PITPNM2: variants seen among roughly 807,000 people sequenced by gnomAD.
PITPNM2 encodes phosphatidylinositol transfer protein membrane associated 2, also known as membrane-associated phosphatidylinositol transfer protein 2.
In PITPNM2, 35 loss-of-function variants were observed where a neutral mutation model predicts 132.2. The ratio of observed to expected loss-of-function variants is 0.26; its 90% CI spans 0.20 to 0.35. The LOEUF (loss-of-function observed/expected upper bound fraction) is 0.35. Ranked by LOEUF, PITPNM2 falls within the 10% of genes least tolerant of loss-of-function variation. PITPNM2 has a pLI of 1.00. For missense variants in PITPNM2, 1,332 were observed against 1,912.0 expected, an observed-to-expected ratio of 0.70 and a Z score of 5.66; for synonymous variants, 738 against 799.2, an observed-to-expected ratio of 0.92 and a Z score of 1.29.
chr12:123,015,902 C>T (rs751509600), intron 3 of PITPNM2, among the ~76,000 whole-genome samples: 1 of 152,172 alleles, frequency 6.6e-6, no homozygotes, highest in Non-Finnish European at 1.5e-5. Flanking sequence ...CTAAACTCAA[C>T]AACAAAACAA....
rs148767753 is a variant in PITPNM2, at chr12:122,987,397, G to C, written c.3297C>G (p.Thr1099=). 14 of 1,613,714 alleles carry C rather than the reference G, an allele frequency of 8.7e-6. No individual in the cohort carries two copies. In the African/African-American group the frequency reaches 1.3e-4, roughly 15 times the overall value. ...GDHTFADSYI[T]VLPKGTEFVV... ...CGAACTCTGTGCCCTTGGGCAGCAC[G>C]GTGATGTAGCTGTCGGCAAACGTGT... The change falls in exon 23 of 26, where the codon ACC becomes ACG. Residue 1099 remains threonine, a synonymous_variant. Coordinates refer to ENST00000320201, the MANE Select transcript of PITPNM2 (RefSeq NM_020845.3).
At chr12:123,136,953 A>T (rs2043395453) in intron 1 of PITPNM2, among the ~76,000 whole-genome samples, 5 of 152,230 alleles carry the variant, frequency 3.3e-5, no homozygotes, top group Admixed American at 3.3e-4. Flanking sequence ...TGTACAGAAC[A>T]GCGTCATAGG....
rs372326658 is a variant in PITPNM2 at position 122,992,482 on chromosome 12, C to A, written c.2404+17G>T. ...CCCACCTTCCCCCAGAGGAGTGGGG[C>A]GGAATGTGCCTCTCACCCAGCAGCG... On this transcript the variant is annotated intron_variant, in intron 16 of 25. Transcript: ENST00000320201. This position sits in a 1 kb window ranked among gnomAD's most constrained non-coding sequence, Gnocchi z 6.5. The A allele has an allele frequency of 1.2e-6, 2 of 1,603,320 alleles. No individual in the cohort carries two copies. Among genetic ancestry groups the A allele is most frequent in the Non-Finnish European group, 1.7e-6 (2 of 1,175,736 alleles).
chr12:123,026,433 G>A (rs2039865811), intron 3 of PITPNM2, among the ~76,000 whole-genome samples: 2 of 152,246 alleles, frequency 1.3e-5, no homozygotes, highest in South Asian at 2.1e-4. Context: ...CTCCAGAACT[G>A]TGAAAGAATA....
At chr12:123,024,875 A>C (rs556233899) in intron 3 of PITPNM2, among the ~76,000 whole-genome samples, 1 of 152,322 alleles carries the variant, frequency 6.6e-6, no homozygotes, top group African/African-American at 2.4e-5. Flanking sequence ...TGTGCACTTT[A>C]AATGGATGAG....
intron 2 of PITPNM2, among the ~76,000 whole-genome samples, chr12:123,086,743 T>G (rs773405537): frequency 6.6e-6 from 1 of 152,176 alleles, no homozygotes; most frequent in African/African-American, 2.4e-5. Context: ...TGGCCACCAC[T>G]GTTCCATAGG....
chr12:123,077,855 GCA>G lies in PITPNM2; in HGVS notation c.-96+32528_-96+32529del, dbSNP rs1457583479. On this transcript the variant is annotated intron_variant, in intron 2 of 25. Transcript: ENST00000320201. This position sits in a 1 kb window ranked among gnomAD's most constrained non-coding sequence, Gnocchi z 4.8. Reference sequence around the variant, plus strand: ...ACAAAGTATCAGAGCCAGGAGGTGTGCACCACAGGAGCCAGGCTGGGGTCGCG... The same window carrying G: ...ACAAAGTATCAGAGCCAGGAGGTGTGCCACAGGAGCCAGGCTGGGGTCGCG... Among the ~76,000 whole-genome samples, 4 of 152,126 alleles carry G rather than the reference GCA, an allele frequency of 2.6e-5. No individual in the cohort carries two copies. Among genetic ancestry groups the G allele is most frequent in the Non-Finnish European group, 4.4e-5 (3 of 68,012 alleles).
At chr12:123,121,885 C>T (rs2043040463) in intron 1 of PITPNM2, among the ~76,000 whole-genome samples, 1 of 152,030 alleles carries the variant, frequency 6.6e-6, no homozygotes, top group South Asian at 2.1e-4. Flanking sequence ...AACAGGGTTT[C>T]GCTCTGTCAC....
chr12:123,005,671 T>A lies in PITPNM2; in HGVS notation c.644-123A>T. On this transcript the variant is annotated intron_variant, in intron 6 of 25. Coordinates refer to ENST00000320201, the MANE Select transcript of PITPNM2 (RefSeq NM_020845.3). This position sits in a 1 kb window ranked among gnomAD's most constrained non-coding sequence, Gnocchi z 6.2. ...GCTGTACCCATGTTGCAGGTCAAAC[T>A]AAAGTCACTGCCTGTCTGTGCCTCA... 4 of 902,614 alleles carry A rather than the reference T, an allele frequency of 4.4e-6. No individual in the cohort carries two copies. Among genetic ancestry groups the A allele is most frequent in the Non-Finnish European group, 6.8e-6 (4 of 592,218 alleles). The allele number at this position is 902,614 out of a possible 1,614,324, so 55.9% of individuals were successfully genotyped here.
rs1378689684 is a variant in PITPNM2 at position 123,088,182 on chromosome 12, T to C, written c.-96+22203A>G. On this transcript the variant is annotated intron_variant, in intron 2 of 25. Transcript: ENST00000320201. ...CCTGCCTTCCTTGCTTGCCTCAAAC[T>C]TGCCAGGACACTTCAACCTCAGGGT... The C allele has an allele frequency of 2.6e-5, 4 of 152,364 alleles. No individual in the cohort carries two copies. The East Asian group carries it at 7.7e-4, about 29-fold the overall frequency. 9.4% of individuals were successfully genotyped at this position (152,364 alleles called of 1,614,324 possible).
rs537872858 is a variant in PITPNM2 at position 122,986,089 on chromosome 12, C to T, written c.3988G>A (p.Gly1330Ser). The change falls in exon 26 of 26, where the codon GGC becomes AGC. Residue 1330 changes from glycine to serine, a missense_variant. Transcript: ENST00000320201. ...CCAGTCATGGCGCGGCCCCAGCAGC[C>T]GGCCGCCACACTCATGCTGCGCTGG... is the stretch of plus-strand genomic sequence containing the variant. ...RGQRSMSVAAGCWGRAMTGRL... is the reference protein window; with the variant it reads ...RGQRSMSVAASCWGRAMTGRL... 63 of 1,442,322 alleles carry T rather than the reference C, an allele frequency of 4.4e-5. No homozygotes were observed. In the Middle Eastern group the frequency reaches 1.2e-3, roughly 28 times the overall value. 89.3% of individuals were successfully genotyped at this position (1,442,322 alleles called of 1,614,324 possible). A position where few individuals can be genotyped will look rare whatever the true frequency, so the allele number is the denominator to read the frequency against.
chr12:122,987,710 C>A (rs765212047), intron 21 of PITPNM2, 51 bp from the exon 22 acceptor site: 16 of 1,611,840 alleles, frequency 9.9e-6, no homozygotes, highest in Admixed American at 1.7e-5. Context: ...CTCTCCACCC[C>A]CTGCACCCCG....
In PITPNM2 at chr12:123,005,317, C is replaced by G; in HGVS notation, c.875G>C (p.Gly292Ala). 6.2e-7 allele frequency: 1 copy of G among 1,614,064 alleles called. No homozygotes were observed. Among genetic ancestry groups the G allele is most frequent in the Non-Finnish European group, 8.5e-7 (1 of 1,180,006 alleles). ...GEPPEPSSSN[G>A]EPLVGRGLKK... The stretch of plus-strand genomic sequence containing the variant: ...GAGGCCGCGCCCCACTAGGGGCTCC[C>G]CATTGCTGCTGCTGGGCTCCGGGGG... Residue 292 changes from glycine (G) to alanine (A), a missense_variant, in exon 7 of 26, where the codon GGG (glycine) becomes GCG (alanine). Physicochemically the swap from Gly to Ala is moderately conservative, Grantham distance 60 (BLOSUM62 0). Coordinates refer to ENST00000320201, the MANE Select transcript of PITPNM2 (RefSeq NM_020845.3). This position sits in a 1 kb window ranked among gnomAD's most constrained non-coding sequence, Gnocchi z 6.2.
chr12:122,984,625 G>GAAA lies in PITPNM2; in HGVS notation c.*1399_*1401dup, dbSNP rs1452033708. ...TTTGGCTGTACATATCTACACACGG[G>GAAA]AAAAAGTTAACATCACTCTGTGCAC... is the stretch of plus-strand genomic sequence containing the variant. On this transcript the variant is annotated 3_prime_UTR_variant, in exon 26 of 26. Transcript: ENST00000320201. 1 of 152,194 alleles carries GAAA rather than the reference G, an allele frequency of 6.6e-6. No individual in the cohort carries two copies. The highest frequency in any genetic ancestry group is 2.4e-5 in the African/African-American group (1 of 41,416). The allele number at this position is 152,194 out of a possible 1,614,324, so 9.4% of individuals were successfully genotyped here. A position where few individuals can be genotyped will look rare whatever the true frequency, so the allele number is the denominator to read the frequency against.
chr12:123,000,664 A>G lies in PITPNM2; in HGVS notation c.1224+114T>C. On this transcript the variant is annotated intron_variant, in intron 10 of 25. Transcript: ENST00000320201. The surrounding 1 kb of genome is among the most constrained non-coding windows in gnomAD (Gnocchi z 5.4). The stretch of plus-strand genomic sequence containing the variant: ...CCAGACAGTACCCAGGCAGGCGTGG[A>G]GGTGAGGCTGCCAGGCCCAGAGTTC... The G allele has an allele frequency of 8.6e-7, 1 of 1,156,512 alleles. No individual in the cohort carries two copies. The highest frequency in any genetic ancestry group is 2.5e-5 in the East Asian group (1 of 39,254). 71.6% of individuals were successfully genotyped at this position (1,156,512 alleles called of 1,614,324 possible).
rs569543768 is a variant in PITPNM2 at position 122,997,569 on chromosome 12, C to G, written c.1228G>C (p.Glu410Gln). ...SVEQLNIIED[E>Q]VSQPLAAPPS... is the part of the protein sequence containing the mutation. ...GGTGCAGCCAGCGGCTGGCTAACCTCGTCCTGCATGGGTTGGGGGACAGTG... is the reference window on the plus strand; with the variant it reads ...GGTGCAGCCAGCGGCTGGCTAACCTGGTCCTGCATGGGTTGGGGGACAGTG... Residue 410 changes from glutamate (E) to glutamine (Q), a missense_variant, in exon 11 of 26, where the codon GAG (glutamate) becomes CAG (glutamine). Physicochemically the swap from Glu to Gln is conservative, Grantham distance 29 (BLOSUM62 2). Around this residue, in one of 6 missense-constraint regions of PITPNM2, gnomAD observed 710 missense variants for 911.5 expected, o/e 0.78. Transcript: ENST00000320201. 2 of 1,610,418 alleles carry G rather than the reference C, an allele frequency of 1.2e-6. No individual in the cohort carries two copies. Among genetic ancestry groups the G allele is most frequent in the Non-Finnish European group, 1.7e-6 (2 of 1,177,718 alleles).
rs557605084 is a variant in PITPNM2, at chr12:123,086,433, T to C, written c.-96+23952A>G. Among the ~76,000 whole-genome samples the C allele has an allele frequency of 2.6e-5, 4 of 152,268 alleles. No individual in the cohort carries two copies. In the East Asian group the frequency reaches 7.7e-4, roughly 29 times the overall value. ...TGTTTAGCATATGGCTGGGACATGG[T>C]CAAAGGTCGGTAAATGGTAATGATA... On this transcript the variant is annotated intron_variant, in intron 2 of 25. Transcript: ENST00000320201.
Position 123,000,764 on chromosome 12 carries a change from AC to A in PITPNM2, c.1224+13del, listed in dbSNP as rs1244034758. The A allele has an allele frequency of 6.2e-7, 1 of 1,613,436 alleles. No homozygotes were observed. The highest frequency in any genetic ancestry group is 8.5e-7 in the Non-Finnish European group (1 of 1,179,884). ...GCGGCCATGCCCCTGTCCCTCTGAC[AC>A]CCGGGCACCCACCTCTATGATGTTC... On this transcript the variant is annotated intron_variant, in intron 10 of 25. Coordinates refer to ENST00000320201, the MANE Select transcript of PITPNM2 (RefSeq NM_020845.3). This position sits in a 1 kb window ranked among gnomAD's most constrained non-coding sequence, Gnocchi z 5.4.
At chr12:123,145,164 AGACCCTGTC>A in intron 1 of PITPNM2, among the ~76,000 whole-genome samples, 1 of 152,306 alleles carries the variant, frequency 6.6e-6, no homozygotes, top group Middle Eastern at 3.4e-3. Context: ...AGACAGAGAG[AGACCCTGTC>A]ACAAAAAATA....
Sources: gnomAD v4.1 joint callset for allele counts (sites outside exome capture counted in the v4.1 genomes callset) on GRCh38, gnomAD v4.1.1 for gene constraint, gnomAD v4.1.1 regional missense constraint, Gnocchi (gnomAD v3.1) non-coding constraint, MANE v1.5 for transcripts, NCBI Gene and HGNC (gene_info 2026-07-23, HGNC 2026-07-21) for gene names.